Variants in PUDP observed in about 807,000 individuals in gnomAD.
PUDP encodes the protein pseudouridine-5'-phosphatase.
A neutral mutation model predicts 9.4 loss-of-function variants in PUDP; 8 were observed. The ratio of observed to expected loss-of-function variants is 0.85; its 90% confidence interval spans 0.50 to 1.53. PUDP has a LOEUF of 1.53. Ranked by LOEUF, PUDP falls within the 40% of genes most tolerant of loss-of-function variation. PUDP has a pLI of 0.00. For missense variants in PUDP, 188 were observed against 189.7 expected, an observed-to-expected ratio of 0.99 and a Z score of 0.05; for synonymous variants, 99 against 80.7, an observed-to-expected ratio of 1.23 and a Z score of -1.22.
chrX:6,978,268 G>T (rs1249481990), exon 2 of PUDP, among the ~76,000 whole-genome samples: 1 of 111,334 alleles, frequency 9.0e-6, no homozygotes, highest in Non-Finnish European at 1.9e-5. Context: ...AGACATTAAT[G>T]ATCTCTTTGA....
chrX:6,925,927 A>G (rs1928094764), intron 3 of PUDP, among the ~76,000 whole-genome samples: 1 of 111,833 alleles, frequency 8.9e-6, no homozygotes, highest in Non-Finnish European at 1.9e-5. Flanking sequence ...GCACAGCCTT[A>G]GGTCCTGTTG....
intron 1 of PUDP, among the ~76,000 whole-genome samples, chrX:6,990,948 C>T (rs765495357): frequency 5.3e-5 from 6 of 112,310 alleles, no homozygotes; most frequent in Non-Finnish European, 7.5e-5. Flanking sequence ...TGCCTACTGG[C>T]GGGTGTTTTG....
intron 2 of PUDP, chrX:6,706,317 A>G (rs1471940201): frequency 9.0e-6 from 1 of 111,679 alleles, no homozygotes; most frequent in Non-Finnish European, 1.9e-5. Flanking sequence ...TGCACTTTTA[A>G]AAGGTTAAAT....
At chrX:7,089,529 T>G (rs1437405383) in intron 2 of PUDP, among the ~76,000 whole-genome samples, 4 of 111,589 alleles carry the variant, frequency 3.6e-5, no homozygotes, top group African/African-American at 1.3e-4. Context: ...CATCCGGGAT[T>G]TCAACCTGCT....
At chrX:6,933,243 G>A (rs1011532344) in intron 3 of PUDP, among the ~76,000 whole-genome samples, 4 of 109,289 alleles carry the variant, frequency 3.7e-5, no homozygotes, top group African/African-American at 1.3e-4. Context: ...CCCCAGTAGG[G>A]GCAGACTGAC....
intron 3 of PUDP, among the ~76,000 whole-genome samples, chrX:6,816,889 T>TACACAC (rs1926250481): frequency 1.1e-5 from 1 of 94,568 alleles, no homozygotes; most frequent in Non-Finnish European, 2.0e-5. Context: ...ATACAATATA[T>TACACAC]ATACACATAC....
chrX:6,773,523 C>T (rs1365440175), intron 3 of PUDP, among the ~76,000 whole-genome samples: 13 of 111,267 alleles, frequency 1.2e-4, no homozygotes, highest in Non-Finnish European at 5.7e-5. Flanking sequence ...TTTCCTTTTT[C>T]AAATAGTTTG....
chrX:7,081,532 A>C (rs928366999), intron 2 of PUDP, among the ~76,000 whole-genome samples: 12 of 112,582 alleles, frequency 1.1e-4, no homozygotes, highest in Non-Finnish European at 2.3e-4. Context: ...AAACAAACAC[A>C]CACCAATGTG....
intron 1 of PUDP, among the ~76,000 whole-genome samples, chrX:7,008,893 G>C (rs1367769620): frequency 8.9e-6 from 1 of 112,094 alleles, no homozygotes; most frequent in Admixed American, 9.5e-5. Context: ...TTACAATGTA[G>C]TCAAACACCA....
At chrX:7,103,090 A>C in intron 2 of PUDP, among the ~76,000 whole-genome samples, 1 of 111,827 alleles carries the variant, frequency 8.9e-6, no homozygotes, top group East Asian at 2.8e-4. Flanking sequence ...TTCATAAAAA[A>C]TCTCAAGGGA....
chrX:7,055,583 C>T (rs1349927791), intron 3 of PUDP, among the ~76,000 whole-genome samples: 3 of 106,664 alleles, frequency 2.8e-5, no homozygotes, highest in African/African-American at 1.1e-4. Context: ...CGTCTTTAGA[C>T]TTCGTTACAC....
chrX:6,761,426 T>C (rs1925227298), intron 3 of PUDP, among the ~76,000 whole-genome samples: 1 of 112,172 alleles, frequency 8.9e-6, no homozygotes, highest in Admixed American at 9.5e-5. Context: ...TGTGAACACT[T>C]GGACTATTTC....
chrX:6,786,672 T>G (rs1925652536), intron 3 of PUDP, among the ~76,000 whole-genome samples: 1 of 111,585 alleles, frequency 9.0e-6, no homozygotes, highest in African/African-American at 3.3e-5. Context: ...CAGATTAAAC[T>G]ATCCAATCTG....
At chrX:7,090,654 C>CA (rs1343262272) in intron 2 of PUDP, among the ~76,000 whole-genome samples, 2 of 111,935 alleles carry the variant, frequency 1.8e-5, no homozygotes, top group African/African-American at 6.5e-5. Flanking sequence ...GTGGGACATT[C>CA]AGGAAATGTC....
rs764829494 is a variant in PUDP, at chrX:7,010,409, C to T, written c.205-32066G>A. 1.1e-4 allele frequency among the ~76,000 whole-genome samples: 12 copies of T among 111,921 alleles called. No individual in the cohort carries two copies. The South Asian group carries it at 1.5e-3, about 14-fold the overall frequency. On this transcript the variant is annotated intron_variant and NMD_transcript_variant, in intron 1 of 3. Coordinates refer to the PUDP transcript ENST00000655425. ...CACCACTGTGGATGCTGCACCACTG[C>T]GGATGCTGTACCAAGAGTTCTGAAT...
intron 2 of PUDP, among the ~76,000 whole-genome samples, chrX:7,081,119 A>G (rs1403786202): frequency 4.5e-5 from 5 of 111,856 alleles, no homozygotes; most frequent in Admixed American, 1.9e-4. Context: ...ATTTTCTTAA[A>G]GTACTTTGGT....
At chrX:6,916,244 A>C (rs961309621) in intron 3 of PUDP, among the ~76,000 whole-genome samples, 4 of 79,134 alleles carry the variant, frequency 5.1e-5, no homozygotes, top group African/African-American at 2.5e-4. Context: ...ACACACACAC[A>C]CACACCCTGG....
intron 3 of PUDP, among the ~76,000 whole-genome samples, chrX:6,848,822 C>T (rs1926786379): frequency 8.9e-6 from 1 of 112,139 alleles, no homozygotes. Context: ...CTTCCTGAGG[C>T]CTCATCAGAA....
chrX:6,838,088 G>C (rs1926611803), intron 3 of PUDP, among the ~76,000 whole-genome samples: 1 of 112,016 alleles, frequency 8.9e-6, no homozygotes, highest in Non-Finnish European at 1.9e-5. Flanking sequence ...ATCAGAGAAG[G>C]TAAGGATGGA....
Sources: gnomAD v4.1 joint callset for allele counts (sites outside exome capture counted in the v4.1 genomes callset) on GRCh38, gnomAD v4.1.1 for gene constraint, MANE v1.5 for transcripts, NCBI Gene and HGNC (gene_info 2026-07-23, HGNC 2026-07-21) for gene names.